FDFT1: variants seen among roughly 807,000 people sequenced by gnomAD.
FDFT1 encodes the protein squalene synthase.
FDFT1 carries 68 observed loss-of-function variants against 46.8 expected under a neutral mutation model. The ratio of observed to expected loss-of-function variants is 1.45; its 90% CI spans 1.19 to 1.78. The LOEUF (loss-of-function observed/expected upper bound fraction) is 1.78, where lower values mean the gene tolerates loss of function less well. FDFT1 is among the 40% of genes most tolerant of loss of function. FDFT1 has a pLI of 0.00. For missense variants in FDFT1, 928 were observed against 524.4 expected (o/e 1.77, Z -7.52); for synonymous variants, 351 against 185.1 (o/e 1.90, Z -7.28).
In FDFT1 at chr8:11,803,003, C is replaced by T. The variant is rs559592713; in HGVS notation, c.99+72C>T. ...GGGCCGGCCTCAGGGCCTGAGCGGC[C>T]GGGCCCGGATCTGGGGCAAGGGGCG... On this transcript the variant is annotated intron_variant, in intron 1 of 7. Coordinates refer to ENST00000220584, the MANE Select transcript of FDFT1 (RefSeq NM_004462.5). 34 of 1,535,214 alleles carry T rather than the reference C, an allele frequency of 2.2e-5. No individual in the cohort carries two copies. In the African/African-American group the frequency reaches 2.5e-4, roughly 11 times the overall value.
At chr8:11,826,829 G>T (rs1810059880) in intron 5 of FDFT1, among the ~76,000 whole-genome samples, 1 of 152,050 alleles carries the variant, frequency 6.6e-6, no homozygotes, top group African/African-American at 2.4e-5. Flanking sequence ...GAAGAGGAAG[G>T]GCTTGGTTCT....
intron 5 of FDFT1, among the ~76,000 whole-genome samples, chr8:11,826,814 C>G (rs547494980): frequency 1.7e-4 from 26 of 152,228 alleles, no homozygotes; most frequent in African/African-American, 5.5e-4. Flanking sequence ...GACTCCCTCT[C>G]AAAAGAAGAG....
chr8:11,807,157 GTTTTTTAT>G (rs2130702286), intron 1 of FDFT1, among the ~76,000 whole-genome samples: 1 of 152,134 alleles, frequency 6.6e-6, no homozygotes, highest in East Asian at 1.9e-4. Flanking sequence ...TTGGATATTT[GTTTTTTAT>G]TTTTTTGAGA....
chr8:11,834,987 G>A (rs992856042), intron 7 of FDFT1, among the ~76,000 whole-genome samples: 1 of 152,114 alleles, frequency 6.6e-6, no homozygotes, highest in African/African-American at 2.4e-5. Flanking sequence ...AGCCAGGTGT[G>A]GTGGTGCACA....
chr8:11,809,791 G>T lies in FDFT1; in HGVS notation c.322G>T (p.Asp108Tyr). 6.2e-7 allele frequency: 1 copy of T among 1,614,190 alleles called. No individual in the cohort carries two copies. Among genetic ancestry groups the T allele is most frequent in the Non-Finnish European group, 8.5e-7 (1 of 1,180,018 alleles). The change falls in exon 3 of 8, where the codon GAC becomes TAC. Residue 108 changes from aspartate to tyrosine, a missense_variant. Asp to Tyr is a radical substitution (Grantham distance 160, BLOSUM62 -3). Coordinates refer to ENST00000220584, the MANE Select transcript of FDFT1 (RefSeq NM_004462.5). ...CTTTCACTCTTTCCTTTACCAACCA[G>T]ACTGGCGGTTCATGGAGAGCAAGGA... Reference protein sequence around the residue: ...HNFHSFLYQPDWRFMESKEKD... With the variant: ...HNFHSFLYQPYWRFMESKEKD...
At chr8:11,808,584 G>A (rs1470899654) in intron 1 of FDFT1, 3 of 1,384,774 alleles carry the variant, frequency 2.2e-6, no homozygotes, top group East Asian at 2.9e-5. Flanking sequence ...GCTGAGTCCC[G>A]CCGCGGCGCC....
upstream of FDFT1, among the ~76,000 whole-genome samples, chr8:11,798,416 T>A (rs780310092): frequency 2.0e-5 from 3 of 152,192 alleles, no homozygotes; most frequent in Admixed American, 6.5e-5. Context: ...ACAGGGGAAG[T>A]CAACTTCAAC....
chr8:11,795,639 T>C (rs866958443), exon 1 of FDFT1: 1 of 151,978 alleles, frequency 6.6e-6, no homozygotes, highest in African/African-American at 2.4e-5. Flanking sequence ...TGCAATAAAT[T>C]TTAATACTTG....
intron 7 of FDFT1, among the ~76,000 whole-genome samples, chr8:11,836,812 G>T (rs1811600396): frequency 6.6e-6 from 1 of 152,234 alleles, no homozygotes; most frequent in South Asian, 2.1e-4. Context: ...GAGGTGGGTG[G>T]ATCACTTGAG....
At chr8:11,799,391 A>C (rs538904273), upstream of FDFT1, among the ~76,000 whole-genome samples, 8 of 152,270 alleles carry the variant, frequency 5.3e-5, no homozygotes, top group South Asian at 1.7e-3. Flanking sequence ...CTGGAGAAAA[A>C]GAAGAGCCCT....
Position 11,821,835 on chromosome 8 carries a change from A to G in FDFT1, c.467A>G (p.Glu156Gly), listed in dbSNP as rs1216484819. The change falls in exon 4 of 8, where the codon GAG becomes GGG. Residue 156 changes from glutamate (E) to glycine (G), a missense_variant. Physicochemically the swap from Glu to Gly is moderately conservative, Grantham distance 98. Transcript: ENST00000220584. Reference sequence around the variant, plus strand: ...CGGAGAATGGGCATTGGGATGGCAGAGTTTTTGGATAAGCATGTGACCTCT... The same window carrying G: ...CGGAGAATGGGCATTGGGATGGCAGGGTTTTTGGATAAGCATGTGACCTCT... ...ICRRMGIGMA[E>G]FLDKHVTSEQ... The G allele has an allele frequency of 6.2e-7, 1 of 1,613,594 alleles. No homozygotes were observed. The highest frequency in any genetic ancestry group is 8.5e-7 in the Non-Finnish European group (1 of 1,179,660).
At chr8:11,797,844 A>C (rs1460931810), upstream of FDFT1, 1 of 152,196 alleles carries the variant, frequency 6.6e-6, no homozygotes, top group African/African-American at 2.4e-5. Flanking sequence ...GATGTGAAGT[A>C]CTGTAGCCTG....
chr8:11,829,326 G>C (rs1123141), intron 5 of FDFT1, among the ~76,000 whole-genome samples: 47,286 of 152,044 alleles, frequency 0.31, 7,605 homozygotes, highest in South Asian at 0.4. Context: ...GCTAGCTTCA[G>C]AGAATCCTCT....
chr8:11,820,694 C>T (rs1031311133), intron 3 of FDFT1, among the ~76,000 whole-genome samples: 1 of 152,238 alleles, frequency 6.6e-6, no homozygotes, highest in Non-Finnish European at 1.5e-5. Context: ...TGGAGGCAAT[C>T]ACCTGCTCTG....
chr8:11,803,313 A>C (rs776966079), intron 1 of FDFT1: 18 of 1,300,860 alleles, frequency 1.4e-5, no homozygotes, highest in Non-Finnish European at 1.8e-5. Flanking sequence ...AGCGGAATGA[A>C]CTATGCAGAT....
At chr8:11,801,213 G>T (rs567158511), upstream of FDFT1, among the ~76,000 whole-genome samples, 2 of 152,342 alleles carry the variant, frequency 1.3e-5, no homozygotes, top group Admixed American at 1.3e-4. Context: ...ATGGAGGCCA[G>T]AGAGGTAATC....
chr8:11,825,898 T>G (rs1809904542), intron 4 of FDFT1, 126 bp from the exon 5 acceptor site: 1 of 530,680 alleles, frequency 1.9e-6, no homozygotes, highest in Admixed American at 3.7e-5. Flanking sequence ...ATATTTGTAT[T>G]TTAAAATCAA....
intron 3 of FDFT1, among the ~76,000 whole-genome samples, chr8:11,814,843 C>T (rs1476489356): frequency 6.6e-6 from 1 of 151,882 alleles, no homozygotes; most frequent in Non-Finnish European, 1.5e-5. Context: ...AGAATCTAAG[C>T]TCTTCAAGGG....
At chr8:11,796,615 G>A (rs1167397842) in intron 1 of FDFT1, among the ~76,000 whole-genome samples, 1 of 152,202 alleles carries the variant, frequency 6.6e-6, no homozygotes, top group African/African-American at 2.4e-5. Context: ...CTGATTGGAG[G>A]CTTCTGGCCT....
Sources: gnomAD v4.1 joint callset for allele counts (sites outside exome capture counted in the v4.1 genomes callset) on GRCh38, gnomAD v4.1.1 for gene constraint, MANE v1.5 for transcripts, NCBI Gene and HGNC (gene_info 2026-07-23, HGNC 2026-07-21) for gene names.